TNFSF15: variants seen among roughly 807,000 people sequenced by gnomAD.
The protein encoded by TNFSF15 is tumor necrosis factor ligand superfamily member 15.
A neutral mutation model predicts 26.4 loss-of-function variants in TNFSF15; 15 were observed. The ratio of observed to expected loss-of-function variants is 0.57; its 90% CI spans 0.38 to 0.87. The LOEUF (loss-of-function observed/expected upper bound fraction) is 0.87. TNFSF15 is among the 40% of genes least tolerant of loss of function. The probability of loss-of-function intolerance (pLI) is 0.00; values close to 1 mark genes in which losing one functional copy is unlikely to be tolerated. For missense variants in TNFSF15, 290 were observed against 306.1 expected (o/e 0.95, Z 0.39); for synonymous variants, 116 against 115.0 (o/e 1.01, Z -0.06).
intron 1 of TNFSF15, among the ~76,000 whole-genome samples, chr9:114,799,134 C>A (rs1829707942): frequency 6.6e-6 from 1 of 152,202 alleles, no homozygotes; most frequent in South Asian, 2.1e-4. Context: ...TTATGTGCAA[C>A]ATTCAGCACA....
chr9:114,792,752 C>G (rs1211420231), intron 2 of TNFSF15, among the ~76,000 whole-genome samples: 1 of 152,228 alleles, frequency 6.6e-6, no homozygotes, highest in Non-Finnish European at 1.5e-5. Context: ...CTAAGATGGG[C>G]ACAGTATAGA....
intron 1 of TNFSF15, among the ~76,000 whole-genome samples, chr9:114,797,825 C>T (rs1479519366): frequency 6.6e-6 from 1 of 152,176 alleles, no homozygotes; most frequent in African/African-American, 2.4e-5. Context: ...AATCCAGGAT[C>T]GAATTTTATT....
chr9:114,797,007 G>A (rs1006663689), intron 1 of TNFSF15, among the ~76,000 whole-genome samples: 1 of 152,210 alleles, frequency 6.6e-6, no homozygotes, highest in Non-Finnish European at 1.5e-5. Flanking sequence ...CTTTGGCAAG[G>A]CAGAAAACTG....
chr9:114,791,196 A>G, intron 3 of TNFSF15: 2 of 555,478 alleles, frequency 3.6e-6, no homozygotes, highest in Non-Finnish European at 6.5e-6. Flanking sequence ...CCTGGAGAAC[A>G]ATGAAGGTTA....
intron 1 of TNFSF15, among the ~76,000 whole-genome samples, chr9:114,794,640 A>G (rs1829653047): frequency 6.6e-6 from 1 of 152,208 alleles, no homozygotes; most frequent in African/African-American, 2.4e-5. Flanking sequence ...CTATCAAGAT[A>G]TAGATGGAAG....
intron 3 of TNFSF15, 183 bp downstream of exon 3, chr9:114,792,224 T>TACACACACAC (rs142936750): frequency 1.1e-5 from 6 of 559,614 alleles, no homozygotes; most frequent in Admixed American, 3.3e-5. Context: ...CATATGTGTG[T>TACACACACAC]ACACACACAC....
At chr9:114,794,985 A>G (rs893276483) in intron 1 of TNFSF15, among the ~76,000 whole-genome samples, 8 of 152,176 alleles carry the variant, frequency 5.3e-5, no homozygotes, top group African/African-American at 1.9e-4. Context: ...TATGGTGACT[A>G]TATTTAGGAA....
At position 114,784,879 on chromosome 9, in the gene TNFSF15, A is replaced by G. The variant is rs1829470809; in HGVS notation, c.*5573T>C. The G allele has an allele frequency of 6.6e-6, 1 of 152,250 alleles. No homozygotes were observed. Among genetic ancestry groups the G allele is most frequent in the African/African-American group, 2.4e-5 (1 of 41,468 alleles). 9.4% of individuals were successfully genotyped at this position (152,250 alleles called of 1,614,324 possible). A position where few individuals can be genotyped will look rare whatever the true frequency, so the allele number is the denominator to read the frequency against. ...ACATGGGGTTTGTCACTAAAACCAC[A>G]TAAACACCTACACTTCTTCAATCTG... On this transcript the variant is annotated 3_prime_UTR_variant, in exon 4 of 4. Coordinates refer to ENST00000374045, the MANE Select transcript of TNFSF15 (RefSeq NM_005118.4).
intron 3 of TNFSF15, chr9:114,792,093 A>G (rs1829608154): frequency 6.3e-6 from 2 of 315,802 alleles, no homozygotes; most frequent in Admixed American, 1.0e-4. Flanking sequence ...AAAACCCTCC[A>G]TGAGATACCT....
chr9:114,787,729 C>A lies in TNFSF15; in HGVS notation c.*2723G>T, dbSNP rs990873929. 6.5e-6 allele frequency: 1 copy of A among 153,614 alleles called. No individual in the cohort carries two copies. The highest frequency in any genetic ancestry group is 1.5e-5 in the Non-Finnish European group (1 of 68,020). The allele number at this position is 153,614 out of a possible 1,614,324, so 9.5% of individuals were successfully genotyped here. ...TGGGAACAGAAGTTCTGACATGAGCCCTATTAGGAATGTCTGACTGTGCCT... is the reference window on the plus strand; with the variant it reads ...TGGGAACAGAAGTTCTGACATGAGCACTATTAGGAATGTCTGACTGTGCCT... On this transcript the variant is annotated 3_prime_UTR_variant, in exon 4 of 4. Transcript: ENST00000374045.
rs1216097443 is a variant in TNFSF15, at chr9:114,786,616, A to G, written c.*3836T>C. 1 of 149,014 alleles carries G rather than the reference A, an allele frequency of 6.7e-6. No homozygotes were observed. The allele number at this position is 149,014 out of a possible 1,614,324, so 9.2% of individuals were successfully genotyped here. ...TTCCCTTTTCTTACTGTACCTTAGT[A>G]AAAAAAAAATCAGAGTCCGGGCACA... On this transcript the variant is annotated 3_prime_UTR_variant, in exon 4 of 4. Coordinates refer to ENST00000374045, the MANE Select transcript of TNFSF15 (RefSeq NM_005118.4).
chr9:114,800,449 T>A (rs1283545250), intron 1 of TNFSF15, among the ~76,000 whole-genome samples: 1 of 152,130 alleles, frequency 6.6e-6, no homozygotes, highest in Non-Finnish European at 1.5e-5. Flanking sequence ...CTCCTGCCTA[T>A]CCCAGGAGGT....
rs1829521160 is a variant in TNFSF15 at position 114,787,507 on chromosome 9, G to A, written c.*2945C>T. On this transcript the variant is annotated 3_prime_UTR_variant, in exon 4 of 4. Transcript: ENST00000374045. ...TGTTTGTGGAATTGATTTGAATTCAGCCTTTTGAGTGACATTTAACCAACA... is the reference window on the plus strand; with the variant it reads ...TGTTTGTGGAATTGATTTGAATTCAACCTTTTGAGTGACATTTAACCAACA... 1 of 152,218 alleles carries A rather than the reference G, an allele frequency of 6.6e-6. No homozygotes were observed. The highest frequency in any genetic ancestry group is 1.5e-5 in the Non-Finnish European group (1 of 68,028). 9.4% of individuals were successfully genotyped at this position (152,218 alleles called of 1,614,324 possible). A position where few individuals can be genotyped will look rare whatever the true frequency, so the allele number is the denominator to read the frequency against.
chr9:114,805,478 T>C (rs1829808886), intron 1 of TNFSF15, among the ~76,000 whole-genome samples: 1 of 152,206 alleles, frequency 6.6e-6, no homozygotes, highest in South Asian at 2.1e-4. Flanking sequence ...TCAATGACCG[T>C]GTTAGTTATG....
At chr9:114,794,398 G>A (rs959440295) in intron 1 of TNFSF15, among the ~76,000 whole-genome samples, 4 of 152,054 alleles carry the variant, frequency 2.6e-5, no homozygotes, top group African/African-American at 7.2e-5. Context: ...ATCATGCATT[G>A]GACTATTATA....
chr9:114,805,052 C>T (rs1279549071), intron 1 of TNFSF15, among the ~76,000 whole-genome samples: 1 of 152,140 alleles, frequency 6.6e-6, no homozygotes, highest in Non-Finnish European at 1.5e-5. Context: ...TTCTTGACAC[C>T]TATCGCTGCC....
intron 1 of TNFSF15, among the ~76,000 whole-genome samples, chr9:114,799,473 A>G (rs1301049097): frequency 6.6e-6 from 1 of 152,178 alleles, no homozygotes; most frequent in African/African-American, 2.4e-5. Flanking sequence ...GTAGATTTGG[A>G]TGCTTTAGGA....
chr9:114,798,609 G>A (rs1829702355), intron 1 of TNFSF15, among the ~76,000 whole-genome samples: 1 of 152,044 alleles, frequency 6.6e-6, no homozygotes, highest in Non-Finnish European at 1.5e-5. Context: ...CCTTTTCATG[G>A]CTTAGAATGG....
chr9:114,801,899 C>T (rs760567344), intron 1 of TNFSF15, among the ~76,000 whole-genome samples: 3 of 152,140 alleles, frequency 2.0e-5, no homozygotes, highest in Non-Finnish European at 4.4e-5. Flanking sequence ...GACAAGCCAC[C>T]CAGTTTTCTA....
Sources: allele counts gnomAD v4.1 joint callset (sites outside exome capture counted in the v4.1 genomes callset), GRCh38; gene constraint gnomAD v4.1.1; transcripts MANE v1.5; gene names NCBI Gene and HGNC (gene_info 2026-07-23, HGNC 2026-07-21).